The following ANO6 variants were observed in gnomAD, a reference collection of about 807,000 sequenced individuals.
ANO6 encodes anoctamin 6, also known as anoctamin-6.
ANO6 carries 106 observed loss-of-function variants against 117.5 expected under a neutral mutation model. The observed-to-expected ratio is 0.90, with a 90% CI of 0.77 to 1.06. The LOEUF (loss-of-function observed/expected upper bound fraction) is 1.06, where lower values mean the gene tolerates loss of function less well. Among genes scored for constraint, ANO6 ranks in the 50% least tolerant of loss-of-function variants. ANO6 has a pLI of 0.00. For missense variants in ANO6, 955 were observed against 1,121.1 expected (o/e 0.85, Z 2.12); for synonymous variants, 367 against 385.1 (o/e 0.95, Z 0.55).
At chr12:45,345,921 C>G (rs1941117934) in intron 3 of ANO6, among the ~76,000 whole-genome samples, 1 of 141,102 alleles carries the variant, frequency 7.1e-6, no homozygotes, top group Non-Finnish European at 1.5e-5. Flanking sequence ...CTGGTGAGGA[C>G]TTTGTTGCAG....
chr12:45,328,113 C>T (rs1291259866), intron 2 of ANO6, among the ~76,000 whole-genome samples: 2 of 152,110 alleles, frequency 1.3e-5, no homozygotes, highest in Non-Finnish European at 2.9e-5. Context: ...CTTCAGGATG[C>T]ATTTTCATCC....
intron 1 of ANO6, among the ~76,000 whole-genome samples, chr12:45,295,780 C>T (rs1939272711): frequency 6.7e-6 from 1 of 150,072 alleles, no homozygotes; most frequent in Admixed American, 6.6e-5. Flanking sequence ...AGGGTGGTCT[C>T]GAACTCCTTA....
intron 2 of ANO6, among the ~76,000 whole-genome samples, chr12:45,321,478 G>T (rs1376524731): frequency 6.6e-6 from 1 of 152,084 alleles, no homozygotes; most frequent in Non-Finnish European, 1.5e-5. Flanking sequence ...AAAATCACAT[G>T]TGTTAACATT....
intron 10 of ANO6, among the ~76,000 whole-genome samples, chr12:45,382,394 G>T (rs2137558720): frequency 6.6e-6 from 1 of 152,264 alleles, no homozygotes; most frequent in South Asian, 2.1e-4. Flanking sequence ...ATTTTAATGT[G>T]CTTAGTCACA....
chr12:45,241,108 T>A (rs1947735946), intron 1 of ANO6, among the ~76,000 whole-genome samples: 1 of 152,224 alleles, frequency 6.6e-6, no homozygotes, highest in African/African-American at 2.4e-5. Flanking sequence ...CCTTGCTAGG[T>A]TGGAGAAGTT....
At chr12:45,347,968 T>C (rs1941181796) in intron 4 of ANO6, 60 bp from the exon 5 acceptor site, 1 of 1,515,512 alleles carries the variant, frequency 6.6e-7, no homozygotes, top group Non-Finnish European at 9.1e-7. Flanking sequence ...AAAATCTATG[T>C]GTTTTAAAAT....
At chr12:45,307,566 G>T (rs1939709918) in intron 2 of ANO6, among the ~76,000 whole-genome samples, 1 of 152,214 alleles carries the variant, frequency 6.6e-6, no homozygotes, top group East Asian at 1.9e-4. Context: ...GTATGCAGTG[G>T]GATATGTGAA....
chr12:45,292,869 G>C (rs905572840), intron 1 of ANO6: 8 of 1,548,308 alleles, frequency 5.2e-6, no homozygotes, highest in Middle Eastern at 1.7e-4. Context: ...AGGGTAAGAA[G>C]CGTCAAGGAC....
At chr12:45,270,508 C>T (rs1317398318) in intron 1 of ANO6, 1 of 1,282,500 alleles carries the variant, frequency 7.8e-7, no homozygotes, top group African/African-American at 1.5e-5. Context: ...CTCATACTCA[C>T]CTCCCATCCA....
chr12:45,426,785 T>TGTCATCTTTTCTCTCTCCTTGGTC (rs1205626902), intron 19 of ANO6, among the ~76,000 whole-genome samples: 1 of 152,064 alleles, frequency 6.6e-6, no homozygotes, highest in Non-Finnish European at 1.5e-5. Context: ...ATCCCTTGGT[T>TGTCATCTTTTCTCTCTCCTTGGTC]GTCATCTTTT....
intron 12 of ANO6, among the ~76,000 whole-genome samples, chr12:45,390,903 C>A (rs1942431518): frequency 6.6e-6 from 1 of 152,112 alleles, no homozygotes. Context: ...GGGTGGATCA[C>A]CTGAGGTCAG....
intron 3 of ANO6, among the ~76,000 whole-genome samples, chr12:45,342,755 T>C (rs1239840615): frequency 6.6e-6 from 1 of 152,208 alleles, no homozygotes; most frequent in Non-Finnish European, 1.5e-5. Flanking sequence ...GTTAATGATA[T>C]CAAGATTAAA....
At chr12:45,294,432 G>A in intron 1 of ANO6, among the ~76,000 whole-genome samples, 1 of 152,180 alleles carries the variant, frequency 6.6e-6, no homozygotes, top group Non-Finnish European at 1.5e-5. Flanking sequence ...TAGAAGCAGT[G>A]GCTGAAGTGG....
At chr12:45,217,103 G>C (rs1947327090) in intron 1 of ANO6, among the ~76,000 whole-genome samples, 1 of 152,110 alleles carries the variant, frequency 6.6e-6, no homozygotes, top group African/African-American at 2.4e-5. Context: ...GTGACAAGAC[G>C]AACGGAGGGA....
intron 15 of ANO6, among the ~76,000 whole-genome samples, chr12:45,403,767 T>A (rs973084615): frequency 2.0e-5 from 3 of 152,190 alleles, no homozygotes. Flanking sequence ...TTAATGTAAA[T>A]CCCCATCTGC....
At chr12:45,297,298 T>A (rs1297404844) in intron 1 of ANO6, among the ~76,000 whole-genome samples, 1 of 152,238 alleles carries the variant, frequency 6.6e-6, no homozygotes, top group Non-Finnish European at 1.5e-5. Context: ...TGATGCCTAA[T>A]TCTGATTATC....
intron 1 of ANO6, among the ~76,000 whole-genome samples, chr12:45,296,634 C>A (rs960517891): frequency 6.6e-6 from 1 of 151,904 alleles, no homozygotes; most frequent in Non-Finnish European, 1.5e-5. Flanking sequence ...CTAATTTCTT[C>A]TAAACTTATA....
downstream of ANO6, chr12:45,432,361 A>G: frequency 5.1e-6 from 4 of 791,232 alleles, no homozygotes; most frequent in Non-Finnish European, 6.1e-6. Context: ...AGTATGGTCT[A>G]TTCTATATTG....
intron 11 of ANO6, 42 bp downstream of exon 11, chr12:45,388,345 G>A: frequency 6.2e-7 from 1 of 1,611,918 alleles, no homozygotes; most frequent in Non-Finnish European, 8.5e-7. Flanking sequence ...TCTACTTACT[G>A]CTGTGGTTCT....
Sources: allele counts gnomAD v4.1 joint callset (sites outside exome capture counted in the v4.1 genomes callset), GRCh38; gene constraint gnomAD v4.1.1; transcripts MANE v1.5; gene names NCBI Gene and HGNC (gene_info 2026-07-23, HGNC 2026-07-21).